DLGAP1: variants seen among roughly 807,000 people sequenced by gnomAD.
The protein encoded by DLGAP1 is disks large-associated protein 1.
In DLGAP1, 11 loss-of-function variants were observed where a neutral mutation model predicts 90.8. The ratio of observed to expected loss-of-function variants is 0.12; its 90% confidence interval spans 0.08 to 0.20. DLGAP1 has a LOEUF of 0.20. Among genes scored for constraint, DLGAP1 ranks in the 10% least tolerant of loss-of-function variants. The pLI is 1.00. For synonymous variants in DLGAP1, 558 were observed against 540.7 expected, an observed-to-expected ratio of 1.03 and a Z score of -0.44; for missense variants, 1,050 against 1,333.8, an observed-to-expected ratio of 0.79 and a Z score of 3.31.
At chr18:4,090,051 A>G (rs9958154) in intron 2 of DLGAP1, among the ~76,000 whole-genome samples, 29,102 of 152,160 alleles carry the variant, frequency 0.19, 3,043 homozygotes, top group African/African-American at 0.26. Flanking sequence ...TCTAAAAAAA[A>G]AGAAAGAAAC....
chr18:3,538,444 G>A lies in DLGAP1; in HGVS notation c.2058-3829C>T, dbSNP rs2052506250. On this transcript the variant is annotated intron_variant, in intron 9 of 12. Coordinates refer to ENST00000315677, the MANE Select transcript of DLGAP1 (RefSeq NM_004746.4). ...TGAAAATCTGAATGCAATGTTACAA[G>A]TCTCTTGTGCTAGCAATGAAAGAAA... Among the ~76,000 whole-genome samples the A allele has an allele frequency of 2.0e-5, 3 of 151,534 alleles. No individual in the cohort carries two copies. In the South Asian group the frequency reaches 6.2e-4, roughly 31 times the overall value.
At chr18:4,044,400 A>G (rs866789680) in intron 2 of DLGAP1, among the ~76,000 whole-genome samples, 3 of 152,192 alleles carry the variant, frequency 2.0e-5, no homozygotes, top group South Asian at 2.1e-4. Context: ...CCAAGTAGGT[A>G]TTTCTCCAAA....
intron 3 of DLGAP1, among the ~76,000 whole-genome samples, chr18:3,909,322 C>T (rs1698075077): frequency 6.6e-6 from 1 of 152,110 alleles, no homozygotes. Context: ...ACTCAAGATC[C>T]CAAAAACAAA....
chr18:4,208,524 C>A (rs563958220), intron 1 of DLGAP1, among the ~76,000 whole-genome samples: 1 of 152,178 alleles, frequency 6.6e-6, no homozygotes, highest in African/African-American at 2.4e-5. Context: ...TCCATTATGC[C>A]AGTAACATAT....
At chr18:3,990,724 A>G (rs1397674480) in intron 3 of DLGAP1, among the ~76,000 whole-genome samples, 1 of 151,258 alleles carries the variant, frequency 6.6e-6, no homozygotes, top group Non-Finnish European at 1.5e-5. Context: ...AACCAGAAAT[A>G]TATGTGCTAT....
At chr18:3,880,288 A>G in intron 3 of DLGAP1, 148 bp from the exon 4 acceptor site, 1 of 602,870 alleles carries the variant, frequency 1.7e-6, no homozygotes. Flanking sequence ...GGCTCAAGCC[A>G]TCCTTCCACA....
At chr18:3,540,439 C>T (rs906143783) in intron 9 of DLGAP1, among the ~76,000 whole-genome samples, 11 of 134,556 alleles carry the variant, frequency 8.2e-5, no homozygotes, top group Non-Finnish European at 1.7e-4. Flanking sequence ...CACTGCACTC[C>T]AGTTTGGGCA....
intron 12 of DLGAP1, chr18:3,502,177 T>C (rs954764531): frequency 2.5e-6 from 3 of 1,200,306 alleles, no homozygotes; most frequent in Non-Finnish European, 2.1e-6. Context: ...GTCATTTATT[T>C]TAGTTTAAAA....
Position 3,727,152 on chromosome 18 carries a change from A to T in DLGAP1, c.1591+1983T>A, listed in dbSNP as rs2062213923. Among the ~76,000 whole-genome samples the T allele has an allele frequency of 6.6e-6, 1 of 152,208 alleles. No individual in the cohort carries two copies. Among genetic ancestry groups the T allele is most frequent in the Non-Finnish European group, 1.5e-5 (1 of 68,034 alleles). On this transcript the variant is annotated intron_variant, in intron 7 of 12. Transcript: ENST00000315677. This position sits in a 1 kb window ranked among gnomAD's most constrained non-coding sequence, Gnocchi z 4.7. ...TGGGATATACCTATCCAGCAGAATT[A>T]TTCACTCTTTACCTGAAATTGAAAT...
intron 1 of DLGAP1, among the ~76,000 whole-genome samples, chr18:4,184,040 C>T (rs1453458914): frequency 6.6e-6 from 1 of 151,986 alleles, no homozygotes; most frequent in African/African-American, 2.4e-5. Flanking sequence ...CCAGTTTACG[C>T]AAAGCAAATC....
intron 8 of DLGAP1, among the ~76,000 whole-genome samples, chr18:3,568,637 AT>A (rs1305077036): frequency 6.6e-6 from 1 of 152,114 alleles, no homozygotes; most frequent in African/African-American, 2.4e-5. Context: ...TATTTGATGT[AT>A]ATTTGTCTAT....
chr18:4,312,100 C>T (rs2080415569), intron 1 of DLGAP1, among the ~76,000 whole-genome samples: 1 of 152,176 alleles, frequency 6.6e-6, no homozygotes, highest in Admixed American at 6.5e-5. Flanking sequence ...ATCTGCCCAC[C>T]TTGGCCTTCC....
chr18:4,003,191 A>C (rs992895861), intron 3 of DLGAP1, among the ~76,000 whole-genome samples: 3 of 152,152 alleles, frequency 2.0e-5, no homozygotes, highest in African/African-American at 7.2e-5. Flanking sequence ...AGTTTGATAA[A>C]AGCTTCCCAG....
chr18:4,000,523 C>T (rs75908002), intron 3 of DLGAP1, among the ~76,000 whole-genome samples: 17,306 of 152,172 alleles, frequency 0.11, 1,397 homozygotes, highest in East Asian at 0.35. Flanking sequence ...TAATGCTCAC[C>T]GCCAGTTCTA....
intron 7 of DLGAP1, chr18:3,680,010 G>A (rs2060454356): frequency 6.6e-6 from 1 of 152,032 alleles, no homozygotes. Context: ...AGGTGGTGGA[G>A]CTATTTCCCA....
intron 10 of DLGAP1, among the ~76,000 whole-genome samples, chr18:3,516,183 G>A (rs2050833868): frequency 6.6e-6 from 1 of 151,830 alleles, no homozygotes; most frequent in African/African-American, 2.4e-5. Context: ...GTTCTTAATG[G>A]CGTCTAGAAT....
intron 1 of DLGAP1, among the ~76,000 whole-genome samples, chr18:4,368,534 C>G (rs2081830701): frequency 6.6e-6 from 1 of 152,074 alleles, no homozygotes; most frequent in African/African-American, 2.4e-5. Flanking sequence ...TCAACTATTT[C>G]TGGGTCTCCA....
chr18:3,834,557 C>T (rs2068261547), intron 4 of DLGAP1, among the ~76,000 whole-genome samples: 1 of 151,960 alleles, frequency 6.6e-6, no homozygotes, highest in African/African-American at 2.4e-5. Flanking sequence ...TAAACATTTG[C>T]CAAATGAATG....
intron 4 of DLGAP1, among the ~76,000 whole-genome samples, chr18:3,862,771 G>C (rs1367162567): frequency 6.6e-6 from 1 of 152,248 alleles, no homozygotes; most frequent in Non-Finnish European, 1.5e-5. Flanking sequence ...ACAACTCTAC[G>C]AGGTAAGTAT....
Sources: allele counts gnomAD v4.1 joint callset (sites outside exome capture counted in the v4.1 genomes callset), GRCh38; gene constraint gnomAD v4.1.1; non-coding constraint Gnocchi (gnomAD v3.1); transcripts MANE v1.5; gene names NCBI Gene and HGNC (gene_info 2026-07-23, HGNC 2026-07-21).